Variants in C4orf50 observed in about 807,000 individuals in gnomAD.
The protein encoded by C4orf50 is uncharacterized protein C4orf50.
A neutral mutation model predicts 77.2 loss-of-function variants in C4orf50; 80 were observed. The observed-to-expected ratio is 1.04, with a 90% CI of 0.87 to 1.25. C4orf50 has a LOEUF of 1.25. Ranked by LOEUF, C4orf50 falls within the 50% of genes most tolerant of loss-of-function variation. The pLI, the probability that C4orf50 is intolerant of heterozygous loss-of-function variation, is 0.00. For synonymous variants in C4orf50, 532 were observed against 465.3 expected (o/e 1.14, Z -1.84); for missense variants, 1,257 against 1,152.9 (o/e 1.09, Z -1.31).
At chr4:5,914,205 GTTTTTTT>G (rs1207974269) in intron 7 of C4orf50, among the ~76,000 whole-genome samples, 2 of 78,164 alleles carry the variant, frequency 2.6e-5, no homozygotes, top group Non-Finnish European at 5.5e-5. Context: ...TTTTATGGGT[GTTTTTTT>G]TTTTTTTTTT....
chr4:5,997,095 AAGC>A (rs1560593441), intron 25 of C4orf50, among the ~76,000 whole-genome samples: 2 of 152,232 alleles, frequency 1.3e-5, no homozygotes, highest in Admixed American at 1.3e-4. Flanking sequence ...TTCAAAGTGA[AAGC>A]AGGAAGAGAG....
chr4:5,993,389 G>T (rs1347762915), intron 26 of C4orf50, among the ~76,000 whole-genome samples: 1 of 152,234 alleles, frequency 6.6e-6, no homozygotes, highest in Non-Finnish European at 1.5e-5. Context: ...CTACACATAT[G>T]GAGGATAATA....
exon 28 of C4orf50, chr4:5,990,102 C>T: frequency 7.8e-7 from 1 of 1,289,106 alleles, no homozygotes. Flanking sequence ...CGTATCCTTC[C>T]ACCCTTTCCC....
chr4:5,918,378 G>A (rs1717122894), intron 7 of C4orf50, among the ~76,000 whole-genome samples: 1 of 152,142 alleles, frequency 6.6e-6, no homozygotes, highest in Non-Finnish European at 1.5e-5. Flanking sequence ...TTCAAACCTG[G>A]GTAATTTCAC....
At chr4:6,003,854 A>G (rs1403196104) in intron 25 of C4orf50, among the ~76,000 whole-genome samples, 1 of 11,064 alleles carries the variant, frequency 9.0e-5, no homozygotes, top group African/African-American at 2.7e-4. Flanking sequence ...GATGATGGTG[A>G]TGATGGTGAT....
downstream of C4orf50, among the ~76,000 whole-genome samples, chr4:5,952,421 A>G (rs547842269): frequency 6.6e-6 from 1 of 152,334 alleles, no homozygotes; most frequent in South Asian, 2.1e-4. The surrounding 1 kb of genome is among the most constrained non-coding windows in gnomAD (Gnocchi z 4.4). Context: ...TGGGGACGGC[A>G]GGCACCTCCA....
At chr4:6,010,805 C>T (rs1010115238) in intron 24 of C4orf50, among the ~76,000 whole-genome samples, 7 of 152,328 alleles carry the variant, frequency 4.6e-5, no homozygotes, top group Non-Finnish European at 7.3e-5. Flanking sequence ...CCAGCCCCAT[C>T]GTCCTTCCCC....
chr4:5,938,331 A>G (rs536852497), intron 7 of C4orf50, among the ~76,000 whole-genome samples: 1 of 152,362 alleles, frequency 6.6e-6, no homozygotes, highest in African/African-American at 2.4e-5. Context: ...CATGGATCAA[A>G]GGGACCATAA....
intron 25 of C4orf50, among the ~76,000 whole-genome samples, chr4:6,004,065 GGTGATGGTGATGATGTGATA>G (rs1722036037): frequency 2.4e-4 from 17 of 72,064 alleles, no homozygotes; most frequent in African/African-American, 7.2e-4. Context: ...TGGTGATGAT[GGTGATGGTGATGATGTGATA>G]GTGATGATGG....
chr4:5,947,359 G>T (rs1718528898), intron 7 of C4orf50, among the ~76,000 whole-genome samples: 1 of 152,178 alleles, frequency 6.6e-6, no homozygotes, highest in Non-Finnish European at 1.5e-5. Flanking sequence ...CAATGCCCTT[G>T]GCCCTGGAAG....
At chr4:5,995,229 C>T (rs1463968053) in intron 25 of C4orf50, among the ~76,000 whole-genome samples, 1 of 152,104 alleles carries the variant, frequency 6.6e-6, no homozygotes, top group African/African-American at 2.4e-5. Flanking sequence ...AGAAGGTACC[C>T]TTCCTGTGCA....
At position 5,910,409 on chromosome 4, in the gene C4orf50, TC is replaced by T. The variant is rs1487871020; in HGVS notation, c.*2475-12222del. ...CTTCAAAATTTAAGAATCTCGTCAA[TC>T]TGTTCCATCTGGTCACTAATTTTTA... On this transcript the variant is annotated intron_variant, in intron 7 of 7. Coordinates refer to the C4orf50 transcript ENST00000324058. Among the ~76,000 whole-genome samples the T allele has an allele frequency of 2.0e-5, 3 of 152,364 alleles. No individual in the cohort carries two copies. The East Asian group carries it at 5.8e-4, about 29-fold the overall frequency.
chr4:5,957,909 C>T (rs1719059592), exon 34 of C4orf50: 1 of 152,198 alleles, frequency 6.6e-6, no homozygotes, highest in Non-Finnish European at 1.5e-5. Flanking sequence ...TCAAGGGAAG[C>T]CCGGGGAAGA....
At chr4:5,982,076 C>A (rs1720622105) in intron 28 of C4orf50, among the ~76,000 whole-genome samples, 1 of 152,070 alleles carries the variant, frequency 6.6e-6, no homozygotes, top group South Asian at 2.1e-4. Flanking sequence ...TAGAAATATA[C>A]ACGACATGGG....
downstream of C4orf50, among the ~76,000 whole-genome samples, chr4:5,953,712 T>C (rs529219830): frequency 6.6e-6 from 1 of 152,212 alleles, no homozygotes; most frequent in South Asian, 2.1e-4. Context: ...AGAGCCCTGC[T>C]GGGGGGCCTG....
rs768777336 is a variant in C4orf50 at position 5,932,690 on chromosome 4, C to T, written c.*2474+24211G>A. ...CTCTTGGGCTCAGGCAATTCTCTTACCTCAGCCTCCCAAAGTGCTGAGATA... is the reference window on the plus strand; with the variant it reads ...CTCTTGGGCTCAGGCAATTCTCTTATCTCAGCCTCCCAAAGTGCTGAGATA... On this transcript the variant is annotated intron_variant, in intron 7 of 7. Coordinates refer to the C4orf50 transcript ENST00000324058. This position sits in a 1 kb window ranked among gnomAD's most constrained non-coding sequence, Gnocchi z 4.2. Among the ~76,000 whole-genome samples, 2 of 152,276 alleles carry T rather than the reference C, an allele frequency of 1.3e-5. No homozygotes were observed. The highest frequency in any genetic ancestry group is 2.1e-4 in the South Asian group (1 of 4,822).
At chr4:5,945,693 T>A (rs773684530) in intron 7 of C4orf50, among the ~76,000 whole-genome samples, 9 of 152,080 alleles carry the variant, frequency 5.9e-5, no homozygotes, top group Non-Finnish European at 1.3e-4. Context: ...ACCATCAACC[T>A]CCTTGTTGCC....
chr4:5,982,015 G>A (rs1720617168), intron 28 of C4orf50, among the ~76,000 whole-genome samples: 1 of 152,070 alleles, frequency 6.6e-6, no homozygotes, highest in Non-Finnish European at 1.5e-5. Context: ...GGCTGCTGGG[G>A]CATCTCTCAT....
intron 23 of C4orf50, among the ~76,000 whole-genome samples, chr4:6,012,330 G>A (rs894484854): frequency 2.6e-5 from 4 of 152,114 alleles, no homozygotes; most frequent in African/African-American, 9.7e-5. Flanking sequence ...CAGCCTGCAG[G>A]TGGGTTCTGC....
Sources: allele counts gnomAD v4.1 joint callset (sites outside exome capture counted in the v4.1 genomes callset), GRCh38; gene constraint gnomAD v4.1.1; non-coding constraint Gnocchi (gnomAD v3.1); transcripts MANE v1.5; gene names NCBI Gene and HGNC (gene_info 2026-07-23, HGNC 2026-07-21).